Variants in PCDHA1 observed in about 807,000 individuals in gnomAD.
PCDHA1 encodes the protein protocadherin alpha-1.
Under a neutral mutation model 61.3 loss-of-function variants are expected in PCDHA1, and 42 were observed. The observed-to-expected ratio is 0.69, with a 90% CI of 0.54 to 0.89. The LOEUF is 0.89. PCDHA1 is among the 40% of genes least tolerant of loss of function. The pLI, the probability that PCDHA1 is intolerant of heterozygous loss-of-function variation, is 0.00. For missense variants in PCDHA1, 1,256 were observed against 1,235.3 expected, an observed-to-expected ratio of 1.02 and a Z score of -0.25; for synonymous variants, 610 against 553.8, an observed-to-expected ratio of 1.10 and a Z score of -1.43.
rs781889029 is a variant in PCDHA1 at position 140,870,331 on chromosome 5, AGCGCCCTGGACC to A, written c.2394+81651_2394+81662del. The A allele has an allele frequency of 4.3e-6, 7 of 1,614,160 alleles. No homozygotes were observed. The South Asian group carries it at 7.7e-5, about 18-fold the overall frequency. Reference sequence around the variant, plus strand: ...GAATTACTACTCGTTGGTGCTGGACAGCGCCCTGGACCGCGAGAACGTGTGGGCCTATGAACT... The same window carrying A: ...GAATTACTACTCGTTGGTGCTGGACAGCGAGAACGTGTGGGCCTATGAACT... On this transcript the variant is annotated intron_variant, in intron 1 of 3. Coordinates refer to ENST00000504120, the MANE Select transcript of PCDHA1 (RefSeq NM_018900.4).
intron 1 of PCDHA1, among the ~76,000 whole-genome samples, chr5:140,832,886 A>G (rs1334973286): frequency 1.3e-5 from 2 of 152,182 alleles, no homozygotes; most frequent in African/African-American, 4.8e-5. Context: ...TAAAATGGAA[A>G]GAGTTTTCCC....
At chr5:140,824,615 T>G (rs1028534118) in intron 1 of PCDHA1, 1 of 126,010 alleles carries the variant, frequency 7.9e-6, no homozygotes, top group African/African-American at 3.7e-5. Flanking sequence ...TTAAAGTTTT[T>G]TTTTTTTTTT....
intron 1 of PCDHA1, among the ~76,000 whole-genome samples, chr5:140,910,519 G>T (rs187918127): frequency 4.6e-5 from 7 of 152,218 alleles, no homozygotes; most frequent in African/African-American, 4.8e-5. Flanking sequence ...AAGGATGCAG[G>T]TACTCCCCTC....
intron 1 of PCDHA1, among the ~76,000 whole-genome samples, chr5:140,900,300 A>G (rs1554189024): frequency 6.6e-6 from 1 of 151,644 alleles, no homozygotes; most frequent in Non-Finnish European, 1.5e-5. Flanking sequence ...GTTTTTTTAG[A>G]CAGTCTCACT....
At chr5:140,794,903 A>G in intron 1 of PCDHA1, 2 of 1,494,842 alleles carry the variant, frequency 1.3e-6, no homozygotes, top group Non-Finnish European at 9.0e-7. Context: ...AACAGAGACT[A>G]GAATATTTAA....
intron 1 of PCDHA1, among the ~76,000 whole-genome samples, chr5:140,908,191 G>A (rs548195405): frequency 2.6e-5 from 4 of 152,244 alleles, no homozygotes; most frequent in African/African-American, 9.6e-5. Flanking sequence ...TTCAGGTGGT[G>A]GACATATCAT....
At chr5:140,816,402 T>C (rs2126671335) in intron 1 of PCDHA1, 3 of 152,218 alleles carry the variant, frequency 2.0e-5, no homozygotes, top group Admixed American at 6.5e-5. Context: ...TGCTTATGCA[T>C]TATTTTCCTG....
At chr5:140,834,968 A>G in intron 1 of PCDHA1, 1 of 1,508,962 alleles carries the variant, frequency 6.6e-7, no homozygotes, top group Non-Finnish European at 9.0e-7. Flanking sequence ...TTGGACTTGT[A>G]TTACGGAAAC....
intron 1 of PCDHA1, among the ~76,000 whole-genome samples, chr5:140,922,818 C>G (rs530870255): frequency 6.6e-6 from 1 of 152,326 alleles, no homozygotes; most frequent in South Asian, 2.1e-4. Context: ...GGAGATACAG[C>G]ATACTGCTAA....
At chr5:140,825,380 T>C (rs1415705722) in intron 1 of PCDHA1, 1 of 146,050 alleles carries the variant, frequency 6.8e-6, no homozygotes, top group Non-Finnish European at 1.5e-5. Context: ...ATCTAAAATA[T>C]CTAATATATA....
At chr5:141,001,896 C>T (rs2098042458) in intron 3 of PCDHA1, among the ~76,000 whole-genome samples, 1 of 152,142 alleles carries the variant, frequency 6.6e-6, no homozygotes, top group Admixed American at 6.5e-5. Flanking sequence ...GAAATCGGGG[C>T]TGTTTGAAAA....
At chr5:140,850,136 C>A in intron 1 of PCDHA1, 1 of 1,595,682 alleles carries the variant, frequency 6.3e-7, no homozygotes, top group Non-Finnish European at 8.6e-7. Context: ...CTCTGGGCAG[C>A]AACGTGACGC....
At chr5:140,805,551 T>C (rs1763590374) in intron 1 of PCDHA1, 2 of 980,576 alleles carry the variant, frequency 2.0e-6, no homozygotes, top group Non-Finnish European at 2.4e-6. Context: ...TTTATGGATA[T>C]AGGAGGCAAG....
rs111485070 is a variant in PCDHA1, at chr5:140,795,163, G to A, written c.2394+6479G>A. On this transcript the variant is annotated intron_variant, in intron 1 of 3. Transcript: ENST00000504120. ...GCTGGTGCCGCGCCTGTTCCGGGTGGCGTCCAAAAGACACGGGGACCTTCT... is the reference window on the plus strand; with the variant it reads ...GCTGGTGCCGCGCCTGTTCCGGGTGACGTCCAAAAGACACGGGGACCTTCT... The A allele has an allele frequency of 1.5e-3, 2,458 of 1,614,058 alleles. 38 individuals are homozygous for A. In the African/African-American group the frequency reaches 0.029, roughly 19 times the overall value.
intron 2 of PCDHA1, 90 bp downstream of exon 2, chr5:140,979,097 C>T (rs2096835129): frequency 9.0e-6 from 14 of 1,547,204 alleles, no homozygotes; most frequent in African/African-American, 1.4e-5. Context: ...AAGCAGCTGT[C>T]AAAACTAAAA....
chr5:140,902,197 C>T (rs868992860), intron 1 of PCDHA1, among the ~76,000 whole-genome samples: 1 of 143,684 alleles, frequency 7.0e-6, no homozygotes, highest in African/African-American at 2.6e-5. Context: ...CTCTCTCTCT[C>T]TCTTTCTTTT....
At chr5:140,877,924 A>T in intron 1 of PCDHA1, 1 of 1,419,290 alleles carries the variant, frequency 7.0e-7, no homozygotes, top group Non-Finnish European at 9.3e-7. Flanking sequence ...ATTTTTCTTT[A>T]TGATTCTATC....
chr5:140,843,542 T>C lies in PCDHA1; in HGVS notation c.2394+54858T>C, dbSNP rs2150362325. ...CCGGGCGGGCAAGCCCACTCTGGTG[T>C]GCTCCAGTGCGGTGGGGAGCTGGTC... On this transcript the variant is annotated intron_variant, in intron 1 of 3. Coordinates refer to ENST00000504120, the MANE Select transcript of PCDHA1 (RefSeq NM_018900.4). 10 of 1,595,778 alleles carry C rather than the reference T, an allele frequency of 6.3e-6. 1 individual carries two copies. Among genetic ancestry groups the C allele is most frequent in the Non-Finnish European group, 8.6e-6 (10 of 1,165,434 alleles).
At chr5:140,814,487 A>G (rs1765528526) in intron 1 of PCDHA1, 1 of 151,810 alleles carries the variant, frequency 6.6e-6, no homozygotes, top group Non-Finnish European at 1.5e-5. Flanking sequence ...TTATAAGTAG[A>G]AAGAGTACAC....
Sources: gnomAD v4.1 joint callset for allele counts (sites outside exome capture counted in the v4.1 genomes callset) on GRCh38, gnomAD v4.1.1 for gene constraint, MANE v1.5 for transcripts, NCBI Gene and HGNC (gene_info 2026-07-23, HGNC 2026-07-21) for gene names.